The following MYO9B variants were observed in gnomAD, a reference collection of about 807,000 sequenced individuals.
MYO9B encodes the protein myosin IXB.
A neutral mutation model predicts 229.5 loss-of-function variants in MYO9B; 71 were observed. The observed-to-expected ratio is 0.31, with a 90% CI of 0.26 to 0.38. MYO9B has a LOEUF of 0.38. Among genes scored for constraint, MYO9B ranks in the 10% least tolerant of loss-of-function variants. The pLI, the probability that MYO9B is intolerant of heterozygous loss-of-function variation, is 1.00. For missense variants in MYO9B, 2,255 were observed against 2,920.5 expected, an observed-to-expected ratio of 0.77 and a Z score of 5.25; for synonymous variants, 1,185 against 1,235.8, an observed-to-expected ratio of 0.96 and a Z score of 0.86.
intron 3 of MYO9B, among the ~76,000 whole-genome samples, chr19:17,147,402 G>T (rs1359371465): frequency 3.3e-5 from 5 of 151,878 alleles, no homozygotes; most frequent in Admixed American, 2.0e-4. Context: ...AAATTAGCTG[G>T]GCATGATGGC....
intron 2 of MYO9B, among the ~76,000 whole-genome samples, chr19:17,114,158 G>A (rs2057876572): frequency 6.6e-6 from 1 of 152,222 alleles, no homozygotes; most frequent in African/African-American, 2.4e-5. Context: ...GAGAACTGCT[G>A]TTTTAGGCCA....
chr19:17,136,695 T>C (rs2072274262), intron 2 of MYO9B, among the ~76,000 whole-genome samples: 1 of 151,998 alleles, frequency 6.6e-6, no homozygotes, highest in Admixed American at 6.6e-5. Context: ...AAAAGTCCCA[T>C]AGGCACCCAG....
rs753687237 is a variant in MYO9B at position 17,212,283 on chromosome 19, C to A, written c.6447C>A (p.Pro2149=). The A allele has an allele frequency of 3.7e-5, 57 of 1,539,534 alleles. 1 individual carries two copies. The South Asian group carries it at 7.0e-4, about 19-fold the overall frequency. The change falls in exon 40 of 40, where the codon CCC becomes CCA. Residue 2149 remains proline, a synonymous_variant. Transcript: ENST00000682292. The surrounding 1 kb of genome is among the most constrained non-coding windows in gnomAD (Gnocchi z 5.4). ...CGGATCCCCCAACGTACTGCCTGCC[C>A]CCCGCCTCGGGCCAGACCAATGGCT... The part of the protein sequence containing the change: ...RYSDPPTYCL[P]PASGQTNG
Position 17,212,077 on chromosome 19 carries a change from C to G in MYO9B, c.6241C>G (p.Pro2081Ala), listed in dbSNP as rs891484651. The G allele has an allele frequency of 3.8e-6, 6 of 1,596,462 alleles. No individual in the cohort carries two copies. In the African/African-American group the frequency reaches 8.1e-5, roughly 22 times the overall value. ...CCCACCAGGCCTGCCCTCCCACCTG[C>G]CTCGCTGGGCACCGGGTGCCCGGGA... Reference protein sequence around the residue: ...KLPPGLPSHLPRWAPGAREAA... With the variant: ...KLPPGLPSHLARWAPGAREAA... The change falls in exon 40 of 40, where the codon CCT becomes GCT. Residue 2081 changes from proline to alanine, a missense_variant. Around this residue, in one of 7 missense-constraint regions of MYO9B, gnomAD observed 331 missense variants for 332.5 expected, o/e 1.00. Coordinates refer to ENST00000682292, the MANE Select transcript of MYO9B (RefSeq NM_004145.4). The surrounding 1 kb of genome is among the most constrained non-coding windows in gnomAD (Gnocchi z 5.4).
Position 17,212,134 on chromosome 19 carries a change from C to A in MYO9B, c.6298C>A (p.Pro2100Thr). 1 of 1,588,760 alleles carries A rather than the reference C, an allele frequency of 6.3e-7. No homozygotes were observed. The highest frequency in any genetic ancestry group is 8.6e-7 in the Non-Finnish European group (1 of 1,168,830). Residue 2100 changes from proline (P) to threonine (T), a missense_variant, in exon 40 of 40, where the codon CCT becomes ACT. Pro to Thr is a conservative substitution (Grantham distance 38, BLOSUM62 -1). Around this residue, in one of 7 missense-constraint regions of MYO9B, gnomAD observed 331 missense variants for 332.5 expected, o/e 1.00. Transcript: ENST00000682292. The surrounding 1 kb of genome is among the most constrained non-coding windows in gnomAD (Gnocchi z 5.4). ...TGCCCCAGTGCGGCGCCGGGAGCCACCTGCCCGCCGCCCGGACCAGATACA... is the reference window on the plus strand; with the variant it reads ...TGCCCCAGTGCGGCGCCGGGAGCCAACTGCCCGCCGCCCGGACCAGATACA... ...AAAPVRRREP[P>T]ARRPDQIHSV...
chr19:17,144,177 C>G (rs1029422542), intron 2 of MYO9B, among the ~76,000 whole-genome samples: 2 of 151,962 alleles, frequency 1.3e-5, no homozygotes, highest in African/African-American at 4.8e-5. Flanking sequence ...GATCATGCCA[C>G]TACACTCCAG....
At chr19:17,120,464 G>A (rs1388178357) in intron 2 of MYO9B, among the ~76,000 whole-genome samples, 1 of 151,908 alleles carries the variant, frequency 6.6e-6, no homozygotes, top group East Asian at 1.9e-4. Context: ...GCAACATAGT[G>A]AGACCCCATC....
At chr19:17,111,375 A>G (rs1002270031) in intron 2 of MYO9B, among the ~76,000 whole-genome samples, 1 of 152,224 alleles carries the variant, frequency 6.6e-6, no homozygotes, top group Non-Finnish European at 1.5e-5. Flanking sequence ...CTATTTACTT[A>G]TTTATAAATA....
intron 10 of MYO9B, 21 bp from the exon 11 acceptor site, chr19:17,167,922 G>C: frequency 1.3e-6 from 2 of 1,553,500 alleles, no homozygotes; most frequent in Non-Finnish European, 1.7e-6. Flanking sequence ...GAAACTTACC[G>C]ACCCCGCGCC....
In MYO9B at chr19:17,195,150, G is replaced by C. The variant is rs1371745865; in HGVS notation, c.3723G>C (p.Gly1241=). 1.2e-6 allele frequency: 2 copies of C among 1,611,120 alleles called. No individual in the cohort carries two copies. The highest frequency in any genetic ancestry group is 3.4e-5 in the Admixed American group (2 of 59,620). The part of the protein sequence containing the change: ...SEETEKTLPS[G]SPRPGQLERP... ...AAACTGAGAAGACGCTGCCCAGTGG[G>C]AGCCCCAGGCCTGGCCAGTTGGAGC... Residue 1241 remains glycine, a synonymous_variant, in exon 22 of 40, where the codon GGG becomes GGC. Coordinates refer to ENST00000682292, the MANE Select transcript of MYO9B (RefSeq NM_004145.4). This position sits in a 1 kb window ranked among gnomAD's most constrained non-coding sequence, Gnocchi z 4.5.
chr19:17,184,881 AG>A lies in MYO9B; in HGVS notation c.2391del (p.Lys797AsnfsTer3). The stretch of plus-strand genomic sequence containing the variant: ...CTGTCCTAGAACCTACTGGACTCCA[AG>A]TCCCTGAAACTCATCATCAGCATGA... ...QIIPKNLLDS[K>X]SLKLIISMTL... On this transcript the variant is annotated frameshift_variant, in exon 17 of 40. Transcript: ENST00000682292. LOFTEE classifies it high-confidence loss of function. 1 of 1,613,888 alleles carries A rather than the reference AG, an allele frequency of 6.2e-7. No homozygotes were observed. The highest frequency in any genetic ancestry group is 8.5e-7 in the Non-Finnish European group (1 of 1,179,824).
intron 2 of MYO9B, among the ~76,000 whole-genome samples, chr19:17,129,800 G>GT (rs1463637264): frequency 1.3e-5 from 2 of 152,056 alleles, no homozygotes; most frequent in African/African-American, 2.4e-5. Flanking sequence ...AGGGAGAATG[G>GT]TTTTTTTGGT....
chr19:17,197,128 T>G (rs1161481218), intron 22 of MYO9B, among the ~76,000 whole-genome samples: 3 of 151,854 alleles, frequency 2.0e-5, no homozygotes, highest in African/African-American at 7.3e-5. Flanking sequence ...ATACCAAAAA[T>G]TAGCTGGATG....
In MYO9B at chr19:17,176,272, G is replaced by A. The variant is rs768700592; in HGVS notation, c.2219+531G>A. 7.2e-4 allele frequency among the ~76,000 whole-genome samples: 110 copies of A among 152,074 alleles called. 1 individual carries two copies. Among genetic ancestry groups the A allele is most frequent in the Non-Finnish European group, 1.4e-3 (95 of 68,000 alleles). On this transcript the variant is annotated intron_variant, in intron 14 of 39. Transcript: ENST00000682292. ...AGGATGGTCTTGATCTCCTGACCTC[G>A]TGATCCACCCGCCTCAGCCTCCCAA...
chr19:17,153,327 G>A (rs1055186702), intron 4 of MYO9B, among the ~76,000 whole-genome samples: 15 of 150,602 alleles, frequency 1.0e-4, no homozygotes, highest in South Asian at 4.2e-4. Context: ...TCAGCCTCCC[G>A]AGTAGCTGGA....
Position 17,180,943 on chromosome 19 carries a change from A to G in MYO9B, c.2236A>G (p.Met746Val), listed in dbSNP as rs2072852425. The change falls in exon 15 of 40, where the codon ATG (methionine) becomes GTG (valine). Residue 746 changes from methionine (M) to valine (V), a missense_variant. By Grantham distance (21) the Met-to-Val change is conservative. This residue lies in a region of MYO9B where 155 missense variants were observed against 159.1 expected (regional missense o/e 0.97). Transcript: ENST00000682292. ...EKLYRDLHNQ[M>V]IKSIKGLPWQ... ...TCCCCTCAGCGATTTGCATAACCAA[A>G]TGATCAAGAGCATCAAAGGATTGCC... The G allele has an allele frequency of 6.2e-7, 1 of 1,607,814 alleles. No homozygotes were observed. Among genetic ancestry groups the G allele is most frequent in the African/African-American group, 1.3e-5 (1 of 74,836 alleles).
intron 23 of MYO9B, 38 bp downstream of exon 23, chr19:17,197,896 A>C (rs746478052): frequency 2.5e-6 from 4 of 1,608,448 alleles, no homozygotes; most frequent in Non-Finnish European, 1.7e-6. Context: ...TCCACTAAAA[A>C]TACAAAAATC....
Position 17,210,373 on chromosome 19 carries a change from G to T in MYO9B, c.5789G>T (p.Gly1930Val), listed in dbSNP as rs368632188. The change falls in exon 37 of 40, where the codon GGG (glycine) becomes GTG (valine). Residue 1930 changes from glycine to valine, a missense_variant. Physicochemically the swap from Gly to Val is moderately radical, Grantham distance 109. This residue lies in a region of MYO9B where 331 missense variants were observed against 332.5 expected (regional missense o/e 1.00). Transcript: ENST00000682292. ...LKLGFSSPYE[G>V]VLNKSPKTRD... ...CTGGGGTTTTCGTCTCCCTATGAGG[G>T]GGTCCTGGTATGTACGCGTTCGGTG... 2.8e-5 allele frequency: 45 copies of T among 1,597,696 alleles called. No individual in the cohort carries two copies. Among genetic ancestry groups the T allele is most frequent in the Non-Finnish European group, 3.6e-5 (42 of 1,171,886 alleles).
At chr19:17,205,003 T>A (rs896322863) in intron 30 of MYO9B, among the ~76,000 whole-genome samples, 1 of 151,350 alleles carries the variant, frequency 6.6e-6, no homozygotes, top group Non-Finnish European at 1.5e-5. Flanking sequence ...AATACAAAAT[T>A]AGCCAGGCGT....
Sources: allele counts gnomAD v4.1 joint callset (sites outside exome capture counted in the v4.1 genomes callset), GRCh38; gene constraint gnomAD v4.1.1; regional missense constraint gnomAD v4.1.1; non-coding constraint Gnocchi (gnomAD v3.1); transcripts MANE v1.5; gene names NCBI Gene and HGNC (gene_info 2026-07-23, HGNC 2026-07-21).